Variants in ADRM1 observed in about 807,000 individuals in gnomAD.
ADRM1 encodes ADRM1 26S proteasome ubiquitin receptor.
In ADRM1, 2 loss-of-function variants were observed where a neutral mutation model predicts 40.1. The observed-to-expected ratio is 0.05, with a 90% CI of 0.02 to 0.16. The LOEUF is 0.16. Ranked by LOEUF, ADRM1 falls within the 10% of genes least tolerant of loss-of-function variation. ADRM1 has a pLI of 1.00. For synonymous variants in ADRM1, 287 were observed against 240.4 expected (o/e 1.19, Z -1.79); for missense variants, 467 against 552.5 (o/e 0.85, Z 1.55).
chr20:62,306,238 C>A lies in ADRM1; in HGVS notation c.372C>A (p.Val124=), dbSNP rs772850938. 1.2e-5 allele frequency: 20 copies of A among 1,613,216 alleles called. No homozygotes were observed. In the African/African-American group the frequency reaches 1.7e-4, roughly 14 times the overall value. The part of the protein sequence containing the change: ...TDQDEEHCRK[V]NEYLNNPPMP... ...AGGATGAGGAGCATTGCCGGAAAGT[C>A]AACGAGTATCTGAACAACCCCCCGA... Residue 124 remains valine, a synonymous_variant, in exon 4 of 10, where the codon GTC becomes GTA. Transcript: ENST00000253003.
In ADRM1 at chr20:62,307,692, T is replaced by C. The variant is rs1411255858; in HGVS notation, c.720T>C (p.Thr240=). 19 of 1,612,196 alleles carry C rather than the reference T, an allele frequency of 1.2e-5. No individual in the cohort carries two copies. Among genetic ancestry groups the C allele is most frequent in the Non-Finnish European group, 1.6e-5 (19 of 1,179,866 alleles). The change falls in exon 7 of 10, where the codon ACT becomes ACC. Residue 240 remains threonine, a synonymous_variant. Transcript: ENST00000253003. ...CTGCTCCAGCAGCTGCCTCAGCAAC[T>C]AGCCCGAGCCCCGCGCCCAGTTCCG... ...APSAPAAASA[T]SPSPAPSSGN...
At position 62,307,581 on chromosome 20, in the gene ADRM1, CCTCT is replaced by C; in HGVS notation, c.624-10_624-7del. On this transcript the variant is annotated splice_polypyrimidine_tract_variant and intron_variant, in intron 6 of 9. Transcript: ENST00000253003. ...TGGGGCGTGTCCGCTCCAGCGGTGC[CCTCT>C]CTCTTCGCAGCTCCCGGAGCCAGTC... 1 of 1,608,128 alleles carries C rather than the reference CCTCT, an allele frequency of 6.2e-7. No individual in the cohort carries two copies. The highest frequency in any genetic ancestry group is 8.5e-7 in the Non-Finnish European group (1 of 1,178,676).
At chr20:62,307,233 A>T (rs1056293849) in intron 5 of ADRM1, 138 bp from the exon 6 acceptor site, 2 of 800,026 alleles carry the variant, frequency 2.5e-6, no homozygotes, top group Non-Finnish European at 3.9e-6. Flanking sequence ...CCGCTCCTCC[A>T]GGCCTGTGGG....
Position 62,307,746 on chromosome 20 carries a change from G to A in ADRM1, c.774G>A (p.Pro258=), listed in dbSNP as rs370134759. The A allele has an allele frequency of 2.0e-5, 33 of 1,611,836 alleles. No homozygotes were observed. The highest frequency in any genetic ancestry group is 5.0e-5 in the Admixed American group (3 of 59,932). Reference sequence around the variant, plus strand: ...ATGGAGCCAGCACAGCAGCCAGCCCGACCCAGCCCATCCAGCTGAGCGACC... The same window carrying A: ...ATGGAGCCAGCACAGCAGCCAGCCCAACCCAGCCCATCCAGCTGAGCGACC... ...SGNGASTAAS[P]TQPIQLSDLQ... The change falls in exon 7 of 10, where the codon CCG becomes CCA. Residue 258 remains proline, a synonymous_variant. Coordinates refer to ENST00000253003, the MANE Select transcript of ADRM1 (RefSeq NM_007002.4).
Position 62,308,181 on chromosome 20 carries a change from A to C in ADRM1, c.1014+3A>C. 4 of 1,600,152 alleles carry C rather than the reference A, an allele frequency of 2.5e-6. No individual in the cohort carries two copies. Among genetic ancestry groups the C allele is most frequent in the Non-Finnish European group, 3.4e-6 (4 of 1,177,234 alleles). On this transcript the variant is annotated splice_donor_region_variant and intron_variant, in intron 8 of 9. Transcript: ENST00000253003. ...TGACCTCGCCCCAGTTCCAGCAGGT[A>C]GAGGCCGGGCCCAGGGTGTCCTCCA...
In ADRM1 at chr20:62,306,291, G is replaced by A. The variant is rs1568871313; in HGVS notation, c.425G>A (p.Ser142Asn). ...CCTGGGGCGCTGGGGGCCAGCGGAA[G>A]CAGCGGCCACGAACTCTCTGCGCTA... ...PMPGALGASGSSGHELSALGG... is the reference protein window; with the variant it reads ...PMPGALGASGNSGHELSALGG... The change falls in exon 4 of 10, where the codon AGC (serine) becomes AAC (asparagine). Residue 142 changes from serine (S) to asparagine (N), a missense_variant. By Grantham distance (46) the Ser-to-Asn change is conservative (BLOSUM62 1). This residue lies in a region of ADRM1 where 418 missense variants were observed against 474.6 expected (regional missense o/e 0.88). Transcript: ENST00000253003. 6.2e-7 allele frequency: 1 copy of A among 1,612,780 alleles called. No individual in the cohort carries two copies. Among genetic ancestry groups the A allele is most frequent in the African/African-American group, 1.3e-5 (1 of 74,928 alleles).
In ADRM1 at chr20:62,308,126, C is replaced by T. The variant is rs766122680; in HGVS notation, c.962C>T (p.Pro321Leu). The change falls in exon 8 of 10, where the codon CCG (proline) becomes CTG (leucine). Residue 321 changes from proline (P) to leucine (L), a missense_variant. Physicochemically the swap from Pro to Leu is moderately conservative, Grantham distance 98 (BLOSUM62 -3). Around this residue, in one of 3 missense-constraint regions of ADRM1, gnomAD observed 418 missense variants for 474.6 expected, o/e 0.88. Transcript: ENST00000253003. Reference sequence around the variant, plus strand: ...TACTTGCCATCTGGGGAGTCGCTGCCGCAGACCGCGGATGAGATCCAGAAT... The same window carrying T: ...TACTTGCCATCTGGGGAGTCGCTGCTGCAGACCGCGGATGAGATCCAGAAT... ...LPYLPSGESL[P>L]QTADEIQNTL... is the part of the protein sequence containing the mutation. 15 of 1,610,000 alleles carry T rather than the reference C, an allele frequency of 9.3e-6. No individual in the cohort carries two copies. Among genetic ancestry groups the T allele is most frequent in the East Asian group, 2.2e-5 (1 of 44,892 alleles).
At chr20:62,308,283 T>A in intron 8 of ADRM1, 85 bp from the exon 9 acceptor site, 1 of 1,536,846 alleles carries the variant, frequency 6.5e-7, no homozygotes. Flanking sequence ...TTCATGTGCC[T>A]GACCCGCAGA....
intron 5 of ADRM1, among the ~76,000 whole-genome samples, chr20:62,307,137 A>G (rs947253416): frequency 1.3e-5 from 2 of 152,302 alleles, no homozygotes; most frequent in East Asian, 3.9e-4. Context: ...TGAATCTTCT[A>G]ATCTAAGCAC....
Position 62,308,844 on chromosome 20 carries a change from C to CTT in ADRM1, c.*86_*87dup, listed in dbSNP as rs1296128360. ...CCCACCCACTGATTATTAATAAAGT[C>CTT]TTTTCTTTTACCTGCCAATGCTTAG... On this transcript the variant is annotated 3_prime_UTR_variant, in exon 10 of 10. Coordinates refer to ENST00000253003, the MANE Select transcript of ADRM1 (RefSeq NM_007002.4). 16 of 1,536,816 alleles carry CTT rather than the reference C, an allele frequency of 1.0e-5. No individual in the cohort carries two copies. Among genetic ancestry groups the CTT allele is most frequent in the African/African-American group, 4.2e-5 (3 of 72,132 alleles).
intron 4 of ADRM1, 114 bp from the exon 5 acceptor site, chr20:62,306,534 C>T: frequency 3.0e-6 from 4 of 1,312,160 alleles, no homozygotes; most frequent in Non-Finnish European, 4.3e-6. Flanking sequence ...AAGTGGTGCC[C>T]CCTGTAGGGT....
chr20:62,307,699 A>C lies in ADRM1; in HGVS notation c.727A>C (p.Ser243Arg). 6.2e-7 allele frequency: 1 copy of C among 1,612,184 alleles called. No homozygotes were observed. The highest frequency in any genetic ancestry group is 8.5e-7 in the Non-Finnish European group (1 of 1,179,854). The change falls in exon 7 of 10, where the codon AGC becomes CGC. Residue 243 changes from serine to arginine, a missense_variant. This residue lies in a region of ADRM1 where 418 missense variants were observed against 474.6 expected (regional missense o/e 0.88). Transcript: ENST00000253003. ...APAAASATSPSPAPSSGNGAS... is the reference protein window; with the variant it reads ...APAAASATSPRPAPSSGNGAS... The stretch of plus-strand genomic sequence containing the variant: ...AGCAGCTGCCTCAGCAACTAGCCCG[A>C]GCCCCGCGCCCAGTTCCGGGAATGG...
intron 1 of ADRM1, chr20:62,303,311 G>A (rs1482424268): frequency 3.0e-6 from 1 of 333,196 alleles, no homozygotes; most frequent in African/African-American, 2.1e-5. Flanking sequence ...CGTCGAGGCT[G>A]GTGCCCCGCG....
Position 62,308,849 on chromosome 20 carries a change from C to G in ADRM1, c.*88C>G. On this transcript the variant is annotated 3_prime_UTR_variant, in exon 10 of 10. Transcript: ENST00000253003. ...CCACTGATTATTAATAAAGTCTTTT[C>G]TTTTACCTGCCAATGCTTAGTTTCT... 1.3e-6 allele frequency: 2 copies of G among 1,525,936 alleles called. No homozygotes were observed. Among genetic ancestry groups the G allele is most frequent in the Non-Finnish European group, 1.8e-6 (2 of 1,137,938 alleles). 94.5% of individuals were successfully genotyped at this position (1,525,936 alleles called of 1,614,324 possible).
rs1376478309 is a variant in ADRM1 at position 62,304,429 on chromosome 20, G to T, written c.214-32G>T. 9 of 1,573,312 alleles carry T rather than the reference G, an allele frequency of 5.7e-6. No individual in the cohort carries two copies. In the Admixed American group the frequency reaches 1.5e-4, roughly 26 times the overall value. ...GACTGGGCACAGTGATGCCATCTGC[G>T]CCACTGACTCTCTCTTCCCCTGGCT... On this transcript the variant is annotated intron_variant, in intron 2 of 9. Coordinates refer to ENST00000253003, the MANE Select transcript of ADRM1 (RefSeq NM_007002.4).
chr20:62,306,684 G>A lies in ADRM1; in HGVS notation c.491G>A (p.Ser164Asn). 2 of 1,610,556 alleles carry A rather than the reference G, an allele frequency of 1.2e-6. No homozygotes were observed. Among genetic ancestry groups the A allele is most frequent in the South Asian group, 2.2e-5 (2 of 90,650 alleles). The change falls in exon 5 of 10, where the codon AGC becomes AAC. Residue 164 changes from serine (S) to asparagine (N), a missense_variant. Around this residue, in one of 3 missense-constraint regions of ADRM1, gnomAD observed 418 missense variants for 474.6 expected, o/e 0.88. Coordinates refer to ENST00000253003, the MANE Select transcript of ADRM1 (RefSeq NM_007002.4). ...GGLQSLLGNM[S>N]HSQLMQLIGP... ...CTGCAGAGCCTGCTGGGAAACATGA[G>A]CCACAGCCAGCTCATGCAGCTCATC... is the stretch of plus-strand genomic sequence containing the variant.
At chr20:62,304,361 G>A (rs980652801) in intron 2 of ADRM1, 100 bp from the exon 3 acceptor site, 12 of 995,706 alleles carry the variant, frequency 1.2e-5, no homozygotes, top group East Asian at 2.6e-5. Context: ...TGCCCCTTGC[G>A]CACCCCACCC....
In ADRM1 at chr20:62,303,721, G is replaced by A. The variant is rs1984460339; in HGVS notation, c.153G>A (p.Gln51=). The A allele has an allele frequency of 1.2e-6, 2 of 1,612,400 alleles. No homozygotes were observed. Among genetic ancestry groups the A allele is most frequent in the Non-Finnish European group, 1.7e-6 (2 of 1,179,984 alleles). The change falls in exon 2 of 10, where the codon CAG becomes CAA. Residue 51 remains glutamine, a synonymous_variant. Coordinates refer to ENST00000253003, the MANE Select transcript of ADRM1 (RefSeq NM_007002.4). The part of the protein sequence containing the change: ...DKRKGLVYIQ[Q]TDDSLIHFCW... ...GGAAAGGGCTGGTGTACATTCAGCA[G>A]ACGGACGACTCGCTTATTCACTTCT...
chr20:62,308,526 T>G, intron 9 of ADRM1, 56 bp downstream of exon 9: 1 of 1,559,034 alleles, frequency 6.4e-7, no homozygotes, highest in Non-Finnish European at 8.7e-7. Flanking sequence ...TCCATTCCTG[T>G]CCCCCTGGAT....
Sources: gnomAD v4.1 joint callset for allele counts (sites outside exome capture counted in the v4.1 genomes callset) on GRCh38, gnomAD v4.1.1 for gene constraint, gnomAD v4.1.1 regional missense constraint, MANE v1.5 for transcripts, NCBI Gene and HGNC (gene_info 2026-07-23, HGNC 2026-07-21) for gene names.